VPS13B: variants seen among roughly 807,000 people sequenced by gnomAD.
VPS13B encodes vacuolar protein sorting 13 homolog B.
VPS13B carries 285 observed loss-of-function variants against 426.4 expected under a neutral mutation model. The observed-to-expected ratio is 0.67, with a 90% CI of 0.61 to 0.74. VPS13B has a LOEUF of 0.74. Among genes scored for constraint, VPS13B ranks in the 30% least tolerant of loss-of-function variants. VPS13B has a pLI of 0.00. For missense variants in VPS13B, 4,537 were observed against 4,782.6 expected, an observed-to-expected ratio of 0.95 and a Z score of 1.51; for synonymous variants, 1,676 against 1,676.4, an observed-to-expected ratio of 1.00 and a Z score of 0.01.
chr8:99,665,208 C>G (rs1044483821), intron 35 of VPS13B, among the ~76,000 whole-genome samples: 2 of 152,024 alleles, frequency 1.3e-5, no homozygotes, highest in Admixed American at 6.6e-5. Flanking sequence ...ATTGTAGATT[C>G]TGGATATTAG....
At chr8:99,829,933 A>G (rs955148802) in intron 51 of VPS13B, among the ~76,000 whole-genome samples, 3 of 152,212 alleles carry the variant, frequency 2.0e-5, no homozygotes, top group African/African-American at 7.2e-5. Context: ...CAGAGACTCC[A>G]GAACAGCAAA....
chr8:99,515,958 T>C (rs1822046911), intron 29 of VPS13B, among the ~76,000 whole-genome samples: 1 of 152,176 alleles, frequency 6.6e-6, no homozygotes, highest in Admixed American at 6.5e-5. Flanking sequence ...GTATTGCTCA[T>C]ATCTTTACTT....
At chr8:99,530,347 G>A (rs1822865488) in intron 30 of VPS13B, among the ~76,000 whole-genome samples, 1 of 152,080 alleles carries the variant, frequency 6.6e-6, no homozygotes, top group South Asian at 2.1e-4. Context: ...GAGTGCGGTG[G>A]CTGATGCCTG....
At chr8:99,683,498 T>C (rs1421636668) in intron 35 of VPS13B, among the ~76,000 whole-genome samples, 1 of 152,168 alleles carries the variant, frequency 6.6e-6, no homozygotes, top group Non-Finnish European at 1.5e-5. Flanking sequence ...ATGGTATGTC[T>C]CTCTATTTAT....
At chr8:99,835,088 GAT>G in intron 52 of VPS13B, 107 bp from the exon 53 acceptor site, 1 of 1,374,378 alleles carries the variant, frequency 7.3e-7, no homozygotes, top group Non-Finnish European at 1.0e-6. Flanking sequence ...TTATAAAACA[GAT>G]ATTTTCGAGT....
At chr8:99,492,441 C>G (rs1371177721) in intron 25 of VPS13B, among the ~76,000 whole-genome samples, 2 of 152,220 alleles carry the variant, frequency 1.3e-5, no homozygotes, top group Non-Finnish European at 2.9e-5. Flanking sequence ...AAGTTGTCTG[C>G]TGCCTTTTGT....
chr8:99,274,948 A>G (rs1818814984), intron 18 of VPS13B, 133 bp from the exon 19 acceptor site: 1 of 786,258 alleles, frequency 1.3e-6, no homozygotes, highest in Non-Finnish European at 1.9e-6. Context: ...GACTCAGTAT[A>G]ATTAAATGTA....
Position 99,135,736 on chromosome 8 carries a change from TA to T in VPS13B, c.1563+4del, listed in dbSNP as rs1237206253. On this transcript the variant is annotated splice_donor_region_variant and intron_variant, in intron 11 of 61. Coordinates refer to ENST00000357162, the MANE Select transcript of VPS13B (RefSeq NM_152564.5). The stretch of plus-strand genomic sequence containing the variant: ...TCTTGGATTCAACTCATCATAAGGT[TA>T]GAGAATATATATTTGAACCAAATTC... 1 of 1,613,092 alleles carries T rather than the reference TA, an allele frequency of 6.2e-7. No individual in the cohort carries two copies. The highest frequency in any genetic ancestry group is 1.1e-5 in the South Asian group (1 of 91,046).
chr8:99,174,959 T>C (rs1047980269), intron 16 of VPS13B, among the ~76,000 whole-genome samples: 1 of 152,192 alleles, frequency 6.6e-6, no homozygotes, highest in African/African-American at 2.4e-5. Flanking sequence ...CATTTTTCTA[T>C]TTATTATTTT....
rs2130343654 is a variant in VPS13B at position 99,720,984 on chromosome 8, T to C, written c.6987T>C (p.Pro2329=). The C allele has an allele frequency of 6.2e-7, 1 of 1,614,060 alleles. No homozygotes were observed. ...TACTCACCCTTGTACGAATAACTCC[T>C]GTACCTTTTAACACCACAGAGGATC... is the stretch of plus-strand genomic sequence containing the variant. ...PRVLTLVRIT[P]VPFNTTEDPD... Residue 2329 remains proline (P), a synonymous_variant, in exon 39 of 62, where the codon CCT becomes CCC. Coordinates refer to ENST00000357162, the MANE Select transcript of VPS13B (RefSeq NM_152564.5).
chr8:99,417,180 CAAAGT>C (rs1450243951), intron 21 of VPS13B, among the ~76,000 whole-genome samples: 1 of 151,930 alleles, frequency 6.6e-6, no homozygotes. Flanking sequence ...TCTGATTAAC[CAAAGT>C]ATTTTAATTT....
intron 32 of VPS13B, 71 bp from the exon 33 acceptor site, chr8:99,577,419 A>T: frequency 6.2e-7 from 1 of 1,603,158 alleles, no homozygotes; most frequent in Non-Finnish European, 8.5e-7. Flanking sequence ...AGGTCAAATA[A>T]GTAAGAATGA....
At chr8:99,234,404 T>C in intron 17 of VPS13B, 3 of 686,712 alleles carry the variant, frequency 4.4e-6, no homozygotes, top group South Asian at 1.4e-5. Context: ...GTTCCTTAGC[T>C]TTTTAGAGAC....
At chr8:99,084,547 G>A in intron 3 of VPS13B, among the ~76,000 whole-genome samples, 1 of 152,128 alleles carries the variant, frequency 6.6e-6, no homozygotes, top group East Asian at 1.9e-4. Context: ...TGTGATGTTA[G>A]GGTGTCAATT....
At chr8:99,523,396 A>G (rs1441431025) in intron 30 of VPS13B, among the ~76,000 whole-genome samples, 5 of 152,202 alleles carry the variant, frequency 3.3e-5, no homozygotes, top group Admixed American at 3.3e-4. Flanking sequence ...AGTGGTTACC[A>G]CGGGCATTGG....
chr8:99,347,027 GC>G (rs1811578209), intron 19 of VPS13B: 1 of 155,148 alleles, frequency 6.4e-6, no homozygotes, highest in African/African-American at 2.4e-5. Context: ...ACTGGCCAAT[GC>G]AGGGGCCACA....
chr8:99,454,945 G>A (rs886422959), intron 23 of VPS13B, among the ~76,000 whole-genome samples: 2 of 152,144 alleles, frequency 1.3e-5, no homozygotes, highest in Non-Finnish European at 2.9e-5. Flanking sequence ...GTCTGTTAAG[G>A]TCTTTGGCCC....
chr8:99,257,586 G>A (rs537267550), intron 17 of VPS13B, among the ~76,000 whole-genome samples: 5 of 149,364 alleles, frequency 3.3e-5, no homozygotes, highest in Non-Finnish European at 6.0e-5. Context: ...ACACACACAC[G>A]ATGTTTAAAA....
chr8:99,804,829 A>C (rs1813306929), intron 43 of VPS13B, among the ~76,000 whole-genome samples: 2 of 151,982 alleles, frequency 1.3e-5, no homozygotes, highest in Non-Finnish European at 2.9e-5. Flanking sequence ...TCATCTTTAC[A>C]AAAAATAGAA....
Sources: allele counts gnomAD v4.1 joint callset (sites outside exome capture counted in the v4.1 genomes callset), GRCh38; gene constraint gnomAD v4.1.1; transcripts MANE v1.5; gene names NCBI Gene and HGNC (gene_info 2026-07-23, HGNC 2026-07-21).